TRPM6: variants seen among roughly 807,000 people sequenced by gnomAD.
TRPM6 encodes the protein transient receptor potential cation channel subfamily M member 6.
TRPM6 carries 111 observed loss-of-function variants against 247.6 expected under a neutral mutation model. That is an observed-to-expected ratio of 0.45 (90% CI 0.38 to 0.52). The LOEUF is 0.52. TRPM6 is among the 20% of genes least tolerant of loss of function. TRPM6 has a pLI of 0.00. For synonymous variants in TRPM6, 892 were observed against 853.8 expected, an observed-to-expected ratio of 1.04 and a Z score of -0.78; for missense variants, 2,126 against 2,421.5, an observed-to-expected ratio of 0.88 and a Z score of 2.56.
chr9:74,741,596 A>C (rs1251888284), intron 33 of TRPM6, among the ~76,000 whole-genome samples: 1 of 152,120 alleles, frequency 6.6e-6, no homozygotes, highest in East Asian at 1.9e-4. Flanking sequence ...AGGCATCTGC[A>C]TTAACAATCA....
chr9:74,764,862 A>G (rs1198015694), intron 25 of TRPM6, among the ~76,000 whole-genome samples: 1 of 152,206 alleles, frequency 6.6e-6, no homozygotes, highest in Non-Finnish European at 1.5e-5. Context: ...AAAAATTACA[A>G]AGACTCCCAA....
chr9:74,873,551 A>T (rs1406770381), intron 1 of TRPM6, among the ~76,000 whole-genome samples: 2 of 152,324 alleles, frequency 1.3e-5, no homozygotes, highest in Non-Finnish European at 2.9e-5. Flanking sequence ...TTCCCAAAAT[A>T]TATTTGATCA....
chr9:74,735,749 A>G (rs1375829071), intron 36 of TRPM6, among the ~76,000 whole-genome samples: 1 of 152,198 alleles, frequency 6.6e-6, no homozygotes, highest in Admixed American at 6.5e-5. Flanking sequence ...TTAAGTGGAA[A>G]GAGAGCAAAA....
chr9:74,770,886 C>T (rs1193481706), intron 25 of TRPM6, among the ~76,000 whole-genome samples: 1 of 152,162 alleles, frequency 6.6e-6, no homozygotes, highest in African/African-American at 2.4e-5. Context: ...CCATACCAAG[C>T]TTCCCTGCAC....
chr9:74,859,757 G>C (rs890464721), intron 1 of TRPM6, among the ~76,000 whole-genome samples: 1 of 148,964 alleles, frequency 6.7e-6, no homozygotes, highest in Non-Finnish European at 1.5e-5. Flanking sequence ...CTGGGTGGCA[G>C]AGCGAGACTC....
chr9:74,743,121 G>C (rs1825917024), intron 32 of TRPM6, among the ~76,000 whole-genome samples: 2 of 152,312 alleles, frequency 1.3e-5, no homozygotes, highest in Middle Eastern at 6.8e-3. Context: ...TAACAGATCA[G>C]AGTCAATATG....
chr9:74,887,698 G>A, intron 1 of TRPM6, 126 bp downstream of exon 1: 1 of 1,609,824 alleles, frequency 6.2e-7, no homozygotes, highest in East Asian at 2.2e-5. Context: ...ATAAATCCTA[G>A]CTATTCTAGA....
chr9:74,887,382 A>C (rs1831570456), intron 1 of TRPM6: 18 of 1,401,490 alleles, frequency 1.3e-5, no homozygotes, highest in Non-Finnish European at 1.7e-5. Flanking sequence ...CGGGTCTGAG[A>C]TCTGTGCCCG....
chr9:74,858,000 C>A (rs1830579456), intron 2 of TRPM6, among the ~76,000 whole-genome samples: 1 of 152,148 alleles, frequency 6.6e-6, no homozygotes, highest in Non-Finnish European at 1.5e-5. Context: ...TCTATCCTCC[C>A]ATCAAGAGGA....
chr9:74,781,249 C>T (rs578236713), intron 23 of TRPM6, among the ~76,000 whole-genome samples: 40 of 151,972 alleles, frequency 2.6e-4, no homozygotes, highest in Non-Finnish European at 4.0e-4. Flanking sequence ...GAGAAGAAAA[C>T]AGAGGGCCTG....
chr9:74,851,192 CT>C (rs1830298869), intron 3 of TRPM6, among the ~76,000 whole-genome samples: 1 of 152,070 alleles, frequency 6.6e-6, no homozygotes, highest in Admixed American at 6.5e-5. Flanking sequence ...ATGTTTGTCT[CT>C]TTAATTACAA....
intron 29 of TRPM6, 53 bp from the exon 30 acceptor site, chr9:74,750,775 A>C (rs1826218894): frequency 6.6e-7 from 1 of 1,522,618 alleles, no homozygotes; most frequent in Non-Finnish European, 9.1e-7. Context: ...TCCCACCCCA[A>C]GTTTCTAGGA....
intron 17 of TRPM6, among the ~76,000 whole-genome samples, chr9:74,799,023 T>C (rs757290781): frequency 1.3e-5 from 2 of 152,212 alleles, no homozygotes; most frequent in African/African-American, 4.8e-5. Context: ...ATTGAACTTA[T>C]GTAGCTAGAG....
rs1469687374 is a variant in TRPM6 at position 74,758,893 on chromosome 9, T to C, written c.4785+2803A>G. Among the ~76,000 whole-genome samples the C allele has an allele frequency of 2.0e-5, 3 of 152,224 alleles. No homozygotes were observed. In the East Asian group the frequency reaches 5.8e-4, roughly 29 times the overall value. ...TGTATACAGAAAATTCTTAAAAAGC[T>C]ACACAATATCTACTCAAGTAAAGAA... On this transcript the variant is annotated intron_variant, in intron 27 of 38. Coordinates refer to ENST00000360774, the MANE Select transcript of TRPM6 (RefSeq NM_017662.5).
intron 1 of TRPM6, among the ~76,000 whole-genome samples, chr9:74,866,244 T>C (rs934316992): frequency 1.4e-4 from 22 of 152,224 alleles, no homozygotes; most frequent in African/African-American, 5.3e-4. Context: ...TTATTTGTCT[T>C]ATTTTTTTCA....
At chr9:74,774,900 A>C (rs572729537) in intron 24 of TRPM6, among the ~76,000 whole-genome samples, 1 of 152,174 alleles carries the variant, frequency 6.6e-6, no homozygotes, top group Non-Finnish European at 1.5e-5. Context: ...TCTTTCCCCA[A>C]TTTGTGAAGA....
At chr9:74,871,208 G>T (rs1831018213) in intron 1 of TRPM6, among the ~76,000 whole-genome samples, 1 of 151,790 alleles carries the variant, frequency 6.6e-6, no homozygotes, top group Admixed American at 6.6e-5. Flanking sequence ...ATTGCAAATG[G>T]TATAAAATCC....
intron 3 of TRPM6, among the ~76,000 whole-genome samples, chr9:74,845,732 C>A (rs1452397624): frequency 1.3e-5 from 2 of 152,074 alleles, no homozygotes; most frequent in African/African-American, 2.4e-5. Flanking sequence ...ACTAGGGAGG[C>A]AGGAAAATCA....
At chr9:74,752,195 G>T in intron 29 of TRPM6, 82 bp downstream of exon 29, 1 of 760,570 alleles carries the variant, frequency 1.3e-6, no homozygotes, top group Non-Finnish European at 2.3e-6. Context: ...CCAATTAAGG[G>T]ACATAAAGGT....
Sources: gnomAD v4.1 joint callset for allele counts (sites outside exome capture counted in the v4.1 genomes callset) on GRCh38, gnomAD v4.1.1 for gene constraint, MANE v1.5 for transcripts, NCBI Gene and HGNC (gene_info 2026-07-23, HGNC 2026-07-21) for gene names.